Variants in SV2C observed in about 807,000 individuals in gnomAD.
The protein encoded by SV2C is synaptic vesicle glycoprotein 2C.
SV2C carries 49 observed loss-of-function variants against 79.7 expected under a neutral mutation model. That is an observed-to-expected ratio of 0.61 (90% CI 0.49 to 0.78). The LOEUF (loss-of-function observed/expected upper bound fraction) is 0.78, where lower values mean the gene tolerates loss of function less well. Among genes scored for constraint, SV2C ranks in the 30% least tolerant of loss-of-function variants. SV2C has a pLI of 0.00. For missense variants in SV2C, 833 were observed against 912.9 expected (o/e 0.91, Z 1.13); for synonymous variants, 334 against 333.2 (o/e 1.00, Z -0.03).
chr5:75,923,086 C>A, the SV2C span, among the ~76,000 whole-genome samples: 173 of 152,180 alleles, frequency 1.1e-3, 2 homozygotes, highest in African/African-American at 3.8e-3. Context: ...ACCAATAGAA[C>A]CAAATAGATG....
At chr5:75,973,344 A>G in the SV2C span, among the ~76,000 whole-genome samples, 1 of 151,852 alleles carries the variant, frequency 6.6e-6, no homozygotes, top group Non-Finnish European at 1.5e-5. Context: ...AATAAAAAAA[A>G]ATTAGCCAAG....
chr5:76,191,187 G>A (rs1744091099), intron 2 of SV2C, among the ~76,000 whole-genome samples: 1 of 146,880 alleles, frequency 6.8e-6, no homozygotes, highest in Admixed American at 6.8e-5. Flanking sequence ...GAAGAGGGAG[G>A]TGCTACACAC....
the SV2C span, among the ~76,000 whole-genome samples, chr5:76,061,861 G>C: frequency 3.9e-5 from 6 of 152,018 alleles, no homozygotes; most frequent in Non-Finnish European, 5.9e-5. Flanking sequence ...GAAGATAATT[G>C]CAAAAATGGA....
At chr5:76,272,371 A>G (rs1039190771) in intron 4 of SV2C, among the ~76,000 whole-genome samples, 1 of 152,206 alleles carries the variant, frequency 6.6e-6, no homozygotes, top group African/African-American at 2.4e-5. Context: ...CATGAGCAAG[A>G]TCTTCCTGGG....
chr5:76,073,503 G>GTATGTGTATATA, the SV2C span, among the ~76,000 whole-genome samples: 2 of 67,412 alleles, frequency 3.0e-5, no homozygotes, highest in African/African-American at 1.3e-4. Flanking sequence ...GTATGTGTGT[G>GTATGTGTATATA]TATATATATA....
chr5:76,037,442 G>A, the SV2C span, among the ~76,000 whole-genome samples: 3 of 152,264 alleles, frequency 2.0e-5, no homozygotes, highest in South Asian at 2.1e-4. Context: ...TGTCCTTTCT[G>A]TTTGTTAGTT....
the SV2C span, among the ~76,000 whole-genome samples, chr5:75,992,148 A>G: frequency 6.6e-6 from 1 of 151,984 alleles, no homozygotes; most frequent in Non-Finnish European, 1.5e-5. Flanking sequence ...TATCCACGTC[A>G]TGGTCTATAT....
the SV2C span, among the ~76,000 whole-genome samples, chr5:76,066,269 TA>T: frequency 6.6e-6 from 1 of 151,550 alleles, no homozygotes; most frequent in African/African-American, 2.4e-5. Context: ...TATGCAGCCA[TA>T]AAAAAGGATG....
intron 2 of SV2C, among the ~76,000 whole-genome samples, chr5:76,185,578 C>T (rs1223605670): frequency 6.6e-6 from 1 of 152,256 alleles, no homozygotes; most frequent in Non-Finnish European, 1.5e-5. Flanking sequence ...GTGTAAGCCA[C>T]CAAGGCTTGG....
At chr5:76,078,236 A>G in the SV2C span, among the ~76,000 whole-genome samples, 2 of 152,212 alleles carry the variant, frequency 1.3e-5, no homozygotes, top group African/African-American at 4.8e-5. Context: ...GTCAGCCATC[A>G]CTTGAGAGGG....
chr5:76,125,327 T>C (rs986492471), intron 1 of SV2C, among the ~76,000 whole-genome samples: 1 of 152,188 alleles, frequency 6.6e-6, no homozygotes, highest in East Asian at 1.9e-4. Context: ...AGAAATATTA[T>C]TTTAATGTAG....
chr5:76,009,531 T>C, the SV2C span, among the ~76,000 whole-genome samples: 1 of 152,266 alleles, frequency 6.6e-6, no homozygotes, highest in East Asian at 1.9e-4. Context: ...CAGTGGTGGA[T>C]TGGATAAAGA....
At chr5:76,202,550 C>T (rs1289304592) in intron 3 of SV2C, among the ~76,000 whole-genome samples, 1 of 152,178 alleles carries the variant, frequency 6.6e-6, no homozygotes, top group Non-Finnish European at 1.5e-5. Context: ...ATGATATGTG[C>T]TCATACGTGT....
intron 1 of SV2C, among the ~76,000 whole-genome samples, chr5:76,105,373 A>C (rs1317157047): frequency 1.3e-5 from 2 of 152,118 alleles, no homozygotes; most frequent in Non-Finnish European, 2.9e-5. Context: ...TAGGAAATGG[A>C]TACTGCCTCA....
the SV2C span, among the ~76,000 whole-genome samples, chr5:75,912,399 G>A: frequency 8.5e-5 from 13 of 152,210 alleles, no homozygotes; most frequent in South Asian, 6.2e-4. Flanking sequence ...AGGCTGAGAC[G>A]GGAGGATGAC....
the SV2C span, among the ~76,000 whole-genome samples, chr5:75,992,847 A>C: frequency 2.0e-5 from 3 of 152,042 alleles, no homozygotes; most frequent in Non-Finnish European, 2.9e-5. Flanking sequence ...ACTGCTTTTG[A>C]GAGATCTACA....
rs759089810 is a variant in SV2C, at chr5:76,295,925, G to A, written c.1485G>A (p.Met495Ile). Residue 495 changes from methionine (M) to isoleucine (I), a missense_variant, in exon 9 of 13, where the codon ATG (methionine) becomes ATA (isoleucine). Met to Ile is a conservative substitution (Grantham distance 10, BLOSUM62 1). Transcript: ENST00000502798. Reference protein sequence around the residue: ...FTMENQIHTGMEYDNGRFIGV... With the variant: ...FTMENQIHTGIEYDNGRFIGV... ...TGGAAAATCAGATTCATACTGGAATGGAATACGACAATGGCAGGTCTAGAA... is the reference window on the plus strand; with the variant it reads ...TGGAAAATCAGATTCATACTGGAATAGAATACGACAATGGCAGGTCTAGAA... 6 of 1,598,592 alleles carry A rather than the reference G, an allele frequency of 3.8e-6. No individual in the cohort carries two copies. The highest frequency in any genetic ancestry group is 5.1e-6 in the Non-Finnish European group (6 of 1,173,512).
intron 2 of SV2C, among the ~76,000 whole-genome samples, chr5:76,171,692 GC>G (rs1396877552): frequency 2.3e-5 from 3 of 128,810 alleles, no homozygotes; most frequent in Non-Finnish European, 5.0e-5. Flanking sequence ...GGCCAGCCGT[GC>G]CGTCCGGGAG....
the SV2C span, among the ~76,000 whole-genome samples, chr5:75,919,990 A>C: frequency 6.6e-6 from 1 of 152,252 alleles, no homozygotes; most frequent in Non-Finnish European, 1.5e-5. Context: ...TGGTCAGCTC[A>C]GAGATTCATT....
Sources: allele counts gnomAD v4.1 joint callset (sites outside exome capture counted in the v4.1 genomes callset), GRCh38; gene constraint gnomAD v4.1.1; transcripts MANE v1.5; gene names NCBI Gene and HGNC (gene_info 2026-07-23, HGNC 2026-07-21).